The following NRXN1 variants were observed in gnomAD, a reference collection of about 807,000 sequenced individuals.
NRXN1 encodes neurexin-1.
NRXN1 carries 39 observed loss-of-function variants against 150.9 expected under a neutral mutation model. That is an observed-to-expected ratio of 0.26 (90% CI 0.20 to 0.34). NRXN1 has a LOEUF of 0.34. Among genes scored for constraint, NRXN1 ranks in the 10% least tolerant of loss-of-function variants. The probability of loss-of-function intolerance (pLI) is 1.00; values close to 1 mark genes in which losing one functional copy is unlikely to be tolerated. For missense variants in NRXN1, 1,815 were observed against 1,949.9 expected, an observed-to-expected ratio of 0.93 and a Z score of 1.30; for synonymous variants, 924 against 757.0, an observed-to-expected ratio of 1.22 and a Z score of -3.62.
At chr2:50,144,889 G>T (rs1384226307) in intron 18 of NRXN1, among the ~76,000 whole-genome samples, 1 of 151,132 alleles carries the variant, frequency 6.6e-6, no homozygotes, top group Non-Finnish European at 1.5e-5. Context: ...GGTGTCTAGG[G>T]GTTGACATTT....
At chr2:50,728,053 T>G (rs1559176235) in intron 5 of NRXN1, among the ~76,000 whole-genome samples, 1 of 152,164 alleles carries the variant, frequency 6.6e-6, no homozygotes, top group Admixed American at 6.5e-5. Context: ...CCCTTAAACT[T>G]AATAATCAAC....
chr2:50,335,059 C>G (rs2077092240), intron 17 of NRXN1, among the ~76,000 whole-genome samples: 1 of 152,052 alleles, frequency 6.6e-6, no homozygotes, highest in Non-Finnish European at 1.5e-5. Flanking sequence ...GATCATAGAG[C>G]TTAAATAAAG....
intron 8 of NRXN1, among the ~76,000 whole-genome samples, chr2:50,562,289 A>G (rs765817729): frequency 6.6e-6 from 1 of 152,090 alleles, no homozygotes; most frequent in Non-Finnish European, 1.5e-5. Context: ...ATGTATATGC[A>G]TGTATTATAG....
chr2:50,493,197 G>A (rs545870310), intron 15 of NRXN1, among the ~76,000 whole-genome samples: 1 of 152,270 alleles, frequency 6.6e-6, no homozygotes, highest in Non-Finnish European at 1.5e-5. Flanking sequence ...TACATGATTA[G>A]TATGCAAAGA....
At chr2:50,738,459 C>T (rs1343140199) in intron 5 of NRXN1, among the ~76,000 whole-genome samples, 2 of 152,154 alleles carry the variant, frequency 1.3e-5, no homozygotes, top group African/African-American at 4.8e-5. Context: ...AATAATGTCA[C>T]ACAAAAAGCT....
intron 8 of NRXN1, among the ~76,000 whole-genome samples, chr2:50,590,425 A>G (rs1360896239): frequency 6.6e-6 from 1 of 152,154 alleles, no homozygotes; most frequent in African/African-American, 2.4e-5. Flanking sequence ...CTATTCTGTT[A>G]GTATGCACAG....
chr2:50,271,242 A>T (rs1407697662), intron 17 of NRXN1, among the ~76,000 whole-genome samples: 4 of 152,198 alleles, frequency 2.6e-5, no homozygotes, highest in Admixed American at 6.5e-5. Context: ...AATTGAACTT[A>T]GCTACCAATA....
At chr2:50,639,341 C>T (rs1253758572) in intron 5 of NRXN1, among the ~76,000 whole-genome samples, 1 of 151,392 alleles carries the variant, frequency 6.6e-6, no homozygotes, top group Non-Finnish European at 1.5e-5. Context: ...CTGCCTCAGG[C>T]TCCCAAGTAG....
intron 17 of NRXN1, among the ~76,000 whole-genome samples, chr2:50,238,989 T>C (rs1387710413): frequency 6.6e-6 from 1 of 152,020 alleles, no homozygotes; most frequent in East Asian, 1.9e-4. Flanking sequence ...CAAGCCATAT[T>C]TCAAAAGCAC....
At chr2:50,260,922 G>C (rs1321649089) in intron 17 of NRXN1, among the ~76,000 whole-genome samples, 1 of 151,536 alleles carries the variant, frequency 6.6e-6, no homozygotes, top group Non-Finnish European at 1.5e-5. Context: ...TTTTGAGTCA[G>C]GTTAAATTGG....
At chr2:50,041,090 T>A (rs1819972) in intron 21 of NRXN1, among the ~76,000 whole-genome samples, 1 of 151,952 alleles carries the variant, frequency 6.6e-6, no homozygotes, top group African/African-American at 2.4e-5. Context: ...TTAATATATT[T>A]TATTTTCAAA....
chr2:50,407,932 C>T (rs937410850), intron 17 of NRXN1, among the ~76,000 whole-genome samples: 5 of 152,140 alleles, frequency 3.3e-5, no homozygotes, highest in Non-Finnish European at 7.3e-5. Flanking sequence ...TGGGCTTCAT[C>T]GTCTTCTCAC....
At chr2:51,010,939 T>A (rs765795660) in intron 2 of NRXN1, among the ~76,000 whole-genome samples, 5 of 151,828 alleles carry the variant, frequency 3.3e-5, no homozygotes, top group African/African-American at 4.8e-5. Flanking sequence ...TGCCACAACA[T>A]CTGGCTAATT....
intron 19 of NRXN1, among the ~76,000 whole-genome samples, chr2:50,082,054 T>C (rs923545999): frequency 2.0e-5 from 3 of 152,220 alleles, no homozygotes; most frequent in African/African-American, 4.8e-5. Flanking sequence ...TACTCTTTAA[T>C]ATGTCATTTT....
chr2:50,375,916 A>G (rs1202529520), intron 17 of NRXN1, among the ~76,000 whole-genome samples: 2 of 152,128 alleles, frequency 1.3e-5, no homozygotes, highest in African/African-American at 4.8e-5. Flanking sequence ...ACCCCTTCAC[A>G]GATAATAATA....
At chr2:50,021,148 G>T (rs1428646188) in intron 21 of NRXN1, among the ~76,000 whole-genome samples, 1 of 152,114 alleles carries the variant, frequency 6.6e-6, no homozygotes, top group Non-Finnish European at 1.5e-5. Flanking sequence ...CTTTCAGAAG[G>T]GGTAAGATGT....
chr2:50,756,028 G>C (rs113296608), intron 5 of NRXN1, among the ~76,000 whole-genome samples: 6,511 of 151,862 alleles, frequency 0.043, 169 homozygotes, highest in Admixed American at 0.07. Context: ...GCCAAGAACA[G>C]GCCTACTTAA....
intron 19 of NRXN1, among the ~76,000 whole-genome samples, chr2:50,066,747 G>T (rs1476344015): frequency 2.0e-5 from 3 of 152,114 alleles, no homozygotes; most frequent in Admixed American, 2.0e-4. Flanking sequence ...AAAATGCACT[G>T]AAAATCGGCA....
At chr2:50,796,972 A>G (rs1328189763) in intron 5 of NRXN1, among the ~76,000 whole-genome samples, 1 of 152,140 alleles carries the variant, frequency 6.6e-6, no homozygotes, top group Non-Finnish European at 1.5e-5. Flanking sequence ...CTGCATTCCC[A>G]GAAGGGAGGA....
Sources: gnomAD v4.1 joint callset for allele counts (sites outside exome capture counted in the v4.1 genomes callset) on GRCh38, gnomAD v4.1.1 for gene constraint, MANE v1.5 for transcripts, NCBI Gene and HGNC (gene_info 2026-07-23, HGNC 2026-07-21) for gene names.